Variants in NPAT observed in about 807,000 individuals in gnomAD.
The protein encoded by NPAT is protein NPAT.
A neutral mutation model predicts 130.7 loss-of-function variants in NPAT; 52 were observed. That is an observed-to-expected ratio of 0.40 (90% confidence interval 0.32 to 0.50). The LOEUF (loss-of-function observed/expected upper bound fraction) is 0.50. Among genes scored for constraint, NPAT ranks in the 20% least tolerant of loss-of-function variants. The pLI is 0.68. For missense variants in NPAT, 1,687 were observed against 1,662.6 expected (o/e 1.01, Z -0.26); for synonymous variants, 580 against 584.8 (o/e 0.99, Z 0.12).
chr11:108,165,472 A>ATATTTT (rs1555039325), intron 15 of NPAT, among the ~76,000 whole-genome samples: 42 of 129,754 alleles, frequency 3.2e-4, no homozygotes, highest in African/African-American at 1.2e-3. Context: ...ATATATATAT[A>ATATTTT]TTTTTTTTTT....
In NPAT at chr11:108,158,835, A is replaced by G; in HGVS notation, c.*107T>C. 1 of 712,608 alleles carries G rather than the reference A, an allele frequency of 1.4e-6. No individual in the cohort carries two copies. The highest frequency in any genetic ancestry group is 1.7e-5 in the African/African-American group (1 of 57,302). 44.1% of individuals were successfully genotyped at this position (712,608 alleles called of 1,614,324 possible). A position where few individuals can be genotyped will look rare whatever the true frequency, so the allele number is the denominator to read the frequency against. On this transcript the variant is annotated 3_prime_UTR_variant, in exon 18 of 18. Transcript: ENST00000278612. ...AGATATAAAGTGAAGTTTCAGTACAATGAAAGTGCAGGTCATGCTTTCAGA... is the reference window on the plus strand; with the variant it reads ...AGATATAAAGTGAAGTTTCAGTACAGTGAAAGTGCAGGTCATGCTTTCAGA...
At chr11:108,209,872 G>A (rs1253481513) in intron 1 of NPAT, among the ~76,000 whole-genome samples, 2 of 118,024 alleles carry the variant, frequency 1.7e-5, no homozygotes, top group Non-Finnish European at 3.3e-5. Flanking sequence ...CTGGGGAACA[G>A]AGTGAGACTT....
intron 10 of NPAT, among the ~76,000 whole-genome samples, chr11:108,179,618 A>G (rs2078041062): frequency 6.6e-6 from 1 of 152,204 alleles, no homozygotes; most frequent in Admixed American, 6.5e-5. Flanking sequence ...ATCATAAGGA[A>G]GGGTGGCTTA....
At chr11:108,188,040 T>G (rs2078124896) in intron 7 of NPAT, 58 bp downstream of exon 7, 1 of 1,221,196 alleles carries the variant, frequency 8.2e-7, no homozygotes, top group Non-Finnish European at 1.2e-6. Context: ...CCTGATGTAA[T>G]TCTTTTTTTT....
intron 8 of NPAT, 134 bp downstream of exon 8, chr11:108,186,348 T>C (rs1005473922): frequency 1.3e-5 from 9 of 702,818 alleles, no homozygotes; most frequent in Non-Finnish European, 2.3e-5. Context: ...ACAACAACAA[T>C]GTATTTACAG....
chr11:108,197,093 G>C (rs1007078386), intron 2 of NPAT, among the ~76,000 whole-genome samples: 1 of 152,094 alleles, frequency 6.6e-6, no homozygotes, highest in South Asian at 2.1e-4. Flanking sequence ...ACTAACTCTC[G>C]GAGTCAAAGT....
chr11:108,202,527 A>G (rs1259579579), intron 1 of NPAT, among the ~76,000 whole-genome samples: 1 of 152,210 alleles, frequency 6.6e-6, no homozygotes, highest in African/African-American at 2.4e-5. Flanking sequence ...ACCAGCTACC[A>G]GCCAGGTAGT....
At position 108,209,026 on chromosome 11, in the gene NPAT, T is replaced by G. The variant is rs183255936; in HGVS notation, c.38-11606A>C. 4.6e-5 allele frequency among the ~76,000 whole-genome samples: 7 copies of G among 152,312 alleles called. No individual in the cohort carries two copies. The East Asian group carries it at 1.4e-3, about 29-fold the overall frequency. ...CAGGCATGGTGGCTCACGCCTGTAATCCCAGCACGTTGGGAGGCTGAGGCA... is the reference window on the plus strand; with the variant it reads ...CAGGCATGGTGGCTCACGCCTGTAAGCCCAGCACGTTGGGAGGCTGAGGCA... On this transcript the variant is annotated intron_variant, in intron 1 of 17. Transcript: ENST00000278612.
At chr11:108,205,619 T>C (rs374604750) in intron 1 of NPAT, among the ~76,000 whole-genome samples, 2 of 152,302 alleles carry the variant, frequency 1.3e-5, no homozygotes, top group African/African-American at 4.8e-5. Flanking sequence ...ACTTTAAAAA[T>C]TGTATGTTAT....
chr11:108,193,754 A>C (rs527524846), intron 3 of NPAT, among the ~76,000 whole-genome samples: 32 of 152,050 alleles, frequency 2.1e-4, no homozygotes, highest in African/African-American at 5.8e-4. Flanking sequence ...AAAAAACAAC[A>C]ACCAAAAAAA....
chr11:108,213,719 A>G (rs890397105), intron 1 of NPAT, among the ~76,000 whole-genome samples: 8 of 152,228 alleles, frequency 5.3e-5, no homozygotes, highest in African/African-American at 1.9e-4. Flanking sequence ...ATGAAGAAAA[A>G]GTTGAAGCAC....
intron 7 of NPAT, among the ~76,000 whole-genome samples, chr11:108,187,580 T>C (rs1456558069): frequency 6.6e-6 from 1 of 151,750 alleles, no homozygotes; most frequent in Non-Finnish European, 1.5e-5. Flanking sequence ...CTAACAAAAA[T>C]ACCCAGGGCT....
At chr11:108,187,300 A>T (rs1591400472) in intron 7 of NPAT, among the ~76,000 whole-genome samples, 1 of 152,142 alleles carries the variant, frequency 6.6e-6, no homozygotes, top group African/African-American at 2.4e-5. Context: ...AAAAATAAAA[A>T]AATTAGCTGG....
intron 10 of NPAT, among the ~76,000 whole-genome samples, chr11:108,178,120 C>T (rs1194298031): frequency 3.9e-5 from 6 of 152,132 alleles, no homozygotes; most frequent in Non-Finnish European, 8.8e-5. Flanking sequence ...TTTTATCTGT[C>T]TGCTCTGGGT....
chr11:108,206,681 T>C (rs2078328425), intron 1 of NPAT, among the ~76,000 whole-genome samples: 3 of 152,146 alleles, frequency 2.0e-5, no homozygotes, highest in African/African-American at 7.2e-5. Flanking sequence ...GTCTGCAACG[T>C]GGTGAGCAAG....
intron 1 of NPAT, among the ~76,000 whole-genome samples, chr11:108,207,334 G>A (rs935853342): frequency 6.6e-6 from 1 of 152,250 alleles, no homozygotes; most frequent in Non-Finnish European, 1.5e-5. Flanking sequence ...TGGCCCCCAG[G>A]CTTTAGCTGT....
At position 108,189,356 on chromosome 11, in the gene NPAT, CA is replaced by C. The variant is rs1241293669; in HGVS notation, c.332-27del. 4 of 1,605,648 alleles carry C rather than the reference CA, an allele frequency of 2.5e-6. No individual in the cohort carries two copies. In the South Asian group the frequency reaches 4.4e-5, roughly 18 times the overall value. The stretch of plus-strand genomic sequence containing the variant: ...CTGAAACATATAAGCATTTAAAAAA[CA>C]AATTCAACGTCAGGGTAGTTTGGGA... On this transcript the variant is annotated intron_variant, in intron 5 of 17. Transcript: ENST00000278612.
At chr11:108,204,248 A>C (rs540800173) in intron 1 of NPAT, among the ~76,000 whole-genome samples, 2 of 152,344 alleles carry the variant, frequency 1.3e-5, no homozygotes, top group Non-Finnish European at 2.9e-5. Context: ...ACTGCATGCC[A>C]GTTCCGGACA....
In NPAT at chr11:108,218,313, T is replaced by A. The variant is rs7108824; in HGVS notation, c.37+4187A>T. On this transcript the variant is annotated intron_variant, in intron 1 of 17. Coordinates refer to ENST00000278612, the MANE Select transcript of NPAT (RefSeq NM_002519.3). ...CCGAAAAAGAGAAGAAAGGATAAGA[T>A]CCTAACTATATGAAGGGTATTTTTT... 9.1e-3 allele frequency among the ~76,000 whole-genome samples: 1,380 copies of A among 152,222 alleles called. 20 individuals are homozygous for A. Among genetic ancestry groups the A allele is most frequent in the African/African-American group, 0.031 (1,303 of 41,528 alleles).
Sources: allele counts gnomAD v4.1 joint callset (sites outside exome capture counted in the v4.1 genomes callset), GRCh38; gene constraint gnomAD v4.1.1; transcripts MANE v1.5; gene names NCBI Gene and HGNC (gene_info 2026-07-23, HGNC 2026-07-21).